Variants in TMED10 observed in about 807,000 individuals in gnomAD.
TMED10 encodes transmembrane emp24 domain-containing protein 10.
Under a neutral mutation model 23.1 loss-of-function variants are expected in TMED10, and 7 were observed. The observed-to-expected ratio is 0.30, with a 90% CI of 0.17 to 0.57. The LOEUF is 0.57. TMED10 is among the 20% of genes least tolerant of loss of function. TMED10 has a pLI of 0.91. For synonymous variants in TMED10, 113 were observed against 106.9 expected, an observed-to-expected ratio of 1.06 and a Z score of -0.35; for missense variants, 162 against 274.8, an observed-to-expected ratio of 0.59 and a Z score of 2.90.
intron 3 of TMED10, among the ~76,000 whole-genome samples, chr14:75,140,985 AT>A (rs1032964050): frequency 1.4e-4 from 22 of 152,064 alleles, no homozygotes; most frequent in Non-Finnish European, 2.2e-4. Context: ...AAGTTTCTTG[AT>A]TTTTTTTAAA....
intron 3 of TMED10, among the ~76,000 whole-genome samples, chr14:75,141,300 G>A (rs1343543983): frequency 1.3e-5 from 2 of 152,140 alleles, no homozygotes; most frequent in Non-Finnish European, 2.9e-5. Flanking sequence ...GGCATGTTTA[G>A]CAACTACGAA....
rs760340968 is a variant in TMED10 at position 75,145,778 on chromosome 14, CTCCA to C, written c.411+1882_411+1885del. ...CTCCAGCCTGGGCAACCAAGCGAGA[CTCCA>C]TCTCAATAAATAAATAAATAAATAC... On this transcript the variant is annotated intron_variant, in intron 3 of 4. Transcript: ENST00000303575. Among the ~76,000 whole-genome samples, 24 of 152,226 alleles carry C rather than the reference CTCCA, an allele frequency of 1.6e-4. No individual in the cohort carries two copies. The East Asian group carries it at 3.1e-3, about 20-fold the overall frequency.
chr14:75,163,911 C>G (rs1465950644), intron 1 of TMED10, among the ~76,000 whole-genome samples: 1 of 151,966 alleles, frequency 6.6e-6, no homozygotes, highest in African/African-American at 2.4e-5. Context: ...AAGGACACAC[C>G]ACCACGCCCA....
intron 1 of TMED10, among the ~76,000 whole-genome samples, chr14:75,158,406 C>T (rs1290617463): frequency 2.6e-5 from 4 of 152,194 alleles, no homozygotes; most frequent in Non-Finnish European, 4.4e-5. Context: ...CAGCTTACTG[C>T]AGCCTCAACC....
intron 3 of TMED10, among the ~76,000 whole-genome samples, chr14:75,142,769 C>T (rs1200925299): frequency 1.3e-5 from 2 of 152,198 alleles, no homozygotes; most frequent in Non-Finnish European, 2.9e-5. Flanking sequence ...TTCAAAGAAG[C>T]CAACTTTCTC....
chr14:75,164,564 TATATATATATA>T (rs1266760028), intron 1 of TMED10, among the ~76,000 whole-genome samples: 2 of 2,782 alleles, frequency 7.2e-4, no homozygotes, highest in African/African-American at 1.9e-3. Context: ...TATATATATA[TATATATATATA>T]TATTTTTTTT....
At chr14:75,168,210 T>C (rs1896188347) in intron 1 of TMED10, among the ~76,000 whole-genome samples, 1 of 152,186 alleles carries the variant, frequency 6.6e-6, no homozygotes, top group Non-Finnish European at 1.5e-5. Flanking sequence ...CCCTAGTGCC[T>C]GAACTTTCAT....
At chr14:75,138,812 C>CTTTTTTTTTTTTTTTT (rs59707221) in intron 3 of TMED10, among the ~76,000 whole-genome samples, 82 of 95,034 alleles carry the variant, frequency 8.6e-4, no homozygotes, top group African/African-American at 1.1e-3. Flanking sequence ...GCCTTTGCTT[C>CTTTTTTTTTTTTTTTT]TTTTTTTTTT....
chr14:75,162,540 A>G (rs1174866837), intron 1 of TMED10, among the ~76,000 whole-genome samples: 2 of 152,212 alleles, frequency 1.3e-5, no homozygotes, highest in Non-Finnish European at 2.9e-5. Flanking sequence ...AGTGTGAAGC[A>G]TAACTCCCCA....
intron 2 of TMED10, among the ~76,000 whole-genome samples, chr14:75,148,635 G>T (rs1895917747): frequency 6.6e-6 from 1 of 152,130 alleles, no homozygotes; most frequent in Non-Finnish European, 1.5e-5. Context: ...GAAGTTGTGG[G>T]AAACAGTGCC....
intron 3 of TMED10, among the ~76,000 whole-genome samples, chr14:75,143,111 A>C (rs1380717294): frequency 1.3e-5 from 2 of 152,090 alleles, no homozygotes; most frequent in African/African-American, 4.8e-5. Flanking sequence ...CACCTGCCTC[A>C]GCCTTCCAAA....
intron 3 of TMED10, 84 bp from the exon 4 acceptor site, chr14:75,135,970 T>A (rs1594863050): frequency 6.4e-7 from 1 of 1,554,674 alleles, no homozygotes; most frequent in Non-Finnish European, 8.6e-7. Context: ...AAGTCTTTTT[T>A]AAAGTTTCAC....
At chr14:75,169,732 A>G (rs1409303054) in intron 1 of TMED10, among the ~76,000 whole-genome samples, 1 of 152,218 alleles carries the variant, frequency 6.6e-6, no homozygotes, top group East Asian at 1.9e-4. Flanking sequence ...ACCAGTCTCC[A>G]GTTCTCCTCC....
intron 2 of TMED10, 56 bp downstream of exon 2, chr14:75,151,976 G>A (rs1895960730): frequency 1.4e-6 from 2 of 1,432,002 alleles, no homozygotes. Context: ...ACTGTATTAA[G>A]GAGCATTAGA....
chr14:75,150,359 T>A, intron 2 of TMED10, among the ~76,000 whole-genome samples: 1 of 152,192 alleles, frequency 6.6e-6, no homozygotes, highest in South Asian at 2.1e-4. Flanking sequence ...ATTGAAAAAG[T>A]TGTGAAACTT....
intron 2 of TMED10, among the ~76,000 whole-genome samples, chr14:75,149,686 C>T (rs554968273): frequency 1.3e-5 from 2 of 152,316 alleles, no homozygotes; most frequent in African/African-American, 2.4e-5. Context: ...TAGTTGTGGA[C>T]AGACTTCACT....
chr14:75,152,475 T>C (rs1566672250), intron 1 of TMED10, among the ~76,000 whole-genome samples: 1 of 152,182 alleles, frequency 6.6e-6, no homozygotes, highest in Non-Finnish European at 1.5e-5. Context: ...TCATTCCGCA[T>C]AGAGGAACAT....
At chr14:75,139,529 G>A (rs938855791) in intron 3 of TMED10, among the ~76,000 whole-genome samples, 5 of 151,446 alleles carry the variant, frequency 3.3e-5, no homozygotes, top group African/African-American at 7.3e-5. Context: ...CCAATACTTC[G>A]AGAGGCTGAG....
At position 75,133,739 on chromosome 14, in the gene TMED10, AAAC is replaced by A. The variant is rs1372195403; in HGVS notation, c.*1143_*1145del. 5.8e-6 allele frequency: 1 copy of A among 172,260 alleles called. No homozygotes were observed. Among genetic ancestry groups the A allele is most frequent in the East Asian group, 1.8e-4 (1 of 5,434 alleles). The allele number at this position is 172,260 out of a possible 1,614,324, so 10.7% of individuals were successfully genotyped here. ...CAGCTTTATTAGGGCAAAAAACTGA[AAAC>A]AACTCTTATGTCCTTTAGTGGGTGA... On this transcript the variant is annotated 3_prime_UTR_variant, in exon 5 of 5. Coordinates refer to ENST00000303575, the MANE Select transcript of TMED10 (RefSeq NM_006827.6).
Sources: allele counts gnomAD v4.1 joint callset (sites outside exome capture counted in the v4.1 genomes callset), GRCh38; gene constraint gnomAD v4.1.1; transcripts MANE v1.5; gene names NCBI Gene and HGNC (gene_info 2026-07-23, HGNC 2026-07-21).